FOXP2: variants seen among roughly 807,000 people sequenced by gnomAD.
The protein encoded by FOXP2 is forkhead box protein P2.
FOXP2 carries 12 observed loss-of-function variants against 115.8 expected under a neutral mutation model. The observed-to-expected ratio is 0.10, with a 90% CI of 0.07 to 0.17. FOXP2 has a LOEUF of 0.17. Ranked by LOEUF, FOXP2 falls within the 10% of genes least tolerant of loss-of-function variation. The pLI is 1.00. For synonymous variants in FOXP2, 328 were observed against 297.7 expected (o/e 1.10, Z -1.05); for missense variants, 629 against 843.5 (o/e 0.75, Z 3.15).
At chr7:114,637,761 C>A (rs1028074575) in intron 6 of FOXP2, among the ~76,000 whole-genome samples, 2 of 151,830 alleles carry the variant, frequency 1.3e-5, no homozygotes, top group African/African-American at 4.8e-5. Flanking sequence ...ATGGGGTGAC[C>A]CTCAGAAGGA....
chr7:114,534,721 C>T lies in FOXP2; in HGVS notation c.258+15C>T. The T allele has an allele frequency of 6.3e-7, 1 of 1,596,850 alleles. No individual in the cohort carries two copies. Among genetic ancestry groups the T allele is most frequent in the Admixed American group, 1.7e-5 (1 of 59,730 alleles). ...GACCACTGCAGGTTAGTAAAGCACT[C>T]CTGTCCTTGGGGTCTTATTTTAAAA... On this transcript the variant is annotated intron_variant, in intron 3 of 16. Transcript: ENST00000350908.
rs1803023675 is a variant in FOXP2, at chr7:114,601,530, G to A, written c.259-27010G>A. 2.0e-5 allele frequency among the ~76,000 whole-genome samples: 3 copies of A among 151,646 alleles called. No homozygotes were observed. In the South Asian group the frequency reaches 6.3e-4, roughly 32 times the overall value. On this transcript the variant is annotated intron_variant, in intron 3 of 16. Coordinates refer to ENST00000350908, the MANE Select transcript of FOXP2 (RefSeq NM_014491.4). ...TTATTTCTTTTCTTCTAGTTCTTTG[G>A]TTTTCATTTACTGTTCCTTTTTAAA... is the stretch of plus-strand genomic sequence containing the variant.
At chr7:114,103,065 C>T (rs1199115409) in intron 1 of FOXP2, among the ~76,000 whole-genome samples, 1 of 151,994 alleles carries the variant, frequency 6.6e-6, no homozygotes, top group East Asian at 1.9e-4. Context: ...CCATGAATAA[C>T]AATTACATAA....
At chr7:114,139,407 T>TA (rs1438912144) in intron 1 of FOXP2, among the ~76,000 whole-genome samples, 2 of 152,088 alleles carry the variant, frequency 1.3e-5, no homozygotes, top group African/African-American at 4.8e-5. Context: ...TAAAACATAA[T>TA]AAAAAAGGTT....
chr7:114,169,564 G>A (rs1793081077), intron 1 of FOXP2, among the ~76,000 whole-genome samples: 1 of 152,148 alleles, frequency 6.6e-6, no homozygotes, highest in Admixed American at 6.5e-5. Flanking sequence ...GTTCATGGGG[G>A]GAAGGGACTT....
At chr7:114,462,803 A>T (rs1021017478) in intron 2 of FOXP2, among the ~76,000 whole-genome samples, 2 of 152,176 alleles carry the variant, frequency 1.3e-5, no homozygotes, top group Admixed American at 1.3e-4. Context: ...AAATACTACT[A>T]AATGTGCTAC....
At chr7:114,541,683 A>G (rs966055165) in intron 3 of FOXP2, among the ~76,000 whole-genome samples, 2 of 151,770 alleles carry the variant, frequency 1.3e-5, no homozygotes, top group African/African-American at 4.8e-5. Context: ...TTGCAGTGAA[A>G]GAAAATGTAT....
upstream of FOXP2, among the ~76,000 whole-genome samples, chr7:114,411,064 A>G (rs149390204): frequency 4.6e-3 from 699 of 152,216 alleles, 3 homozygotes; most frequent in South Asian, 0.018. Flanking sequence ...ATAAATGGCA[A>G]TGGGAAAAAA....
intron 1 of FOXP2, among the ~76,000 whole-genome samples, chr7:114,180,956 T>G (rs1161759613): frequency 6.6e-6 from 1 of 152,082 alleles, no homozygotes; most frequent in African/African-American, 2.4e-5. Flanking sequence ...TGCTTAAAAT[T>G]TTGCTGTTGT....
chr7:114,169,267 G>T (rs1402404678), intron 1 of FOXP2, among the ~76,000 whole-genome samples: 2 of 152,218 alleles, frequency 1.3e-5, no homozygotes, highest in Non-Finnish European at 2.9e-5. Flanking sequence ...GCCAGCTGGT[G>T]AAAGCAGCCG....
At chr7:114,233,500 A>G (rs376361581) in intron 1 of FOXP2, among the ~76,000 whole-genome samples, 2 of 152,236 alleles carry the variant, frequency 1.3e-5, no homozygotes. Flanking sequence ...GTGGCATTCA[A>G]CTTGTGCTTC....
rs559000354 is a variant in FOXP2 at position 114,281,196 on chromosome 7, G to A, written c.-101-6823G>A. Among the ~76,000 whole-genome samples, 6 of 148,856 alleles carry A rather than the reference G, an allele frequency of 4.0e-5. No individual in the cohort carries two copies. In the South Asian group the frequency reaches 1.3e-3, roughly 32 times the overall value. Reference sequence around the variant, plus strand: ...GGCTCACTGCAACCTCCCCCTCCCGGGTTTAAGCAATGCTCATGCCTCAGC... The same window carrying A: ...GGCTCACTGCAACCTCCCCCTCCCGAGTTTAAGCAATGCTCATGCCTCAGC... On this transcript the variant is annotated intron_variant, in intron 1 of 17. Transcript: ENST00000634411.
chr7:114,645,461 A>C (rs994208819), intron 8 of FOXP2: 1 of 151,930 alleles, frequency 6.6e-6, no homozygotes, highest in South Asian at 2.1e-4. Flanking sequence ...TTTTATTTTT[A>C]AAAAAATCAT....
At chr7:114,640,041 T>C (rs1221952001) in intron 6 of FOXP2, among the ~76,000 whole-genome samples, 1 of 152,138 alleles carries the variant, frequency 6.6e-6, no homozygotes, top group East Asian at 1.9e-4. Context: ...GCTATAGCTG[T>C]GATCCAGGCA....
intron 13 of FOXP2, chr7:114,661,861 G>A (rs564971880): frequency 1.8e-6 from 1 of 568,372 alleles, no homozygotes; most frequent in Non-Finnish European, 3.1e-6. Flanking sequence ...AGCTTGGAAG[G>A]TTCTCTTATC....
intron 14 of FOXP2, among the ~76,000 whole-genome samples, chr7:114,663,103 T>C (rs1368778439): frequency 2.0e-5 from 3 of 152,116 alleles, no homozygotes; most frequent in African/African-American, 7.2e-5. Context: ...AAATTGGTAA[T>C]TGTATTGTAT....
At chr7:114,441,739 A>G (rs540757169) in intron 2 of FOXP2, among the ~76,000 whole-genome samples, 62 of 152,332 alleles carry the variant, frequency 4.1e-4, no homozygotes, top group Admixed American at 1.5e-3. Flanking sequence ...AATGGGCAAG[A>G]GGCATGTAAA....
chr7:114,212,122 A>AATAAAAT (rs67192679), intron 1 of FOXP2, among the ~76,000 whole-genome samples: 42,990 of 128,664 alleles, frequency 0.33, 8,036 homozygotes, highest in Middle Eastern at 0.46. Context: ...AATAAAATAA[A>AATAAAAT]ATATATATAT....
chr7:114,467,724 G>GA (rs1795871880), intron 2 of FOXP2, among the ~76,000 whole-genome samples: 1 of 152,070 alleles, frequency 6.6e-6, no homozygotes, highest in African/African-American at 2.4e-5. Context: ...TAGAAAATTA[G>GA]AAAAATCAAA....
Sources: allele counts gnomAD v4.1 joint callset (sites outside exome capture counted in the v4.1 genomes callset), GRCh38; gene constraint gnomAD v4.1.1; transcripts MANE v1.5; gene names NCBI Gene and HGNC (gene_info 2026-07-23, HGNC 2026-07-21).